MYO10: variants seen among roughly 807,000 people sequenced by gnomAD.
The protein encoded by MYO10 is unconventional myosin-X.
Under a neutral mutation model 257.3 loss-of-function variants are expected in MYO10, and 133 were observed. The ratio of observed to expected loss-of-function variants is 0.52; its 90% CI spans 0.45 to 0.60. The LOEUF (loss-of-function observed/expected upper bound fraction) is 0.60. Among genes scored for constraint, MYO10 ranks in the 20% least tolerant of loss-of-function variants. MYO10 has a pLI of 0.00. For synonymous variants in MYO10, 1,104 were observed against 1,028.6 expected (o/e 1.07, Z -1.40); for missense variants, 2,399 against 2,635.7 (o/e 0.91, Z 1.97).
At chr5:16,714,739 C>T (rs943912768) in intron 19 of MYO10, among the ~76,000 whole-genome samples, 10 of 152,132 alleles carry the variant, frequency 6.6e-5, no homozygotes, top group African/African-American at 2.4e-4. Flanking sequence ...GGGAGAATGG[C>T]GTCAACCCAG....
At chr5:16,672,585 A>G (rs577239853) in intron 37 of MYO10, 104 bp downstream of exon 37, 1 of 1,383,678 alleles carries the variant, frequency 7.2e-7, no homozygotes, top group Admixed American at 2.1e-5. Context: ...AACTAACTCC[A>G]ATACAGCGTG....
At chr5:16,924,901 G>A (rs1428110904) in intron 1 of MYO10, among the ~76,000 whole-genome samples, 2 of 142,740 alleles carry the variant, frequency 1.4e-5, no homozygotes, top group African/African-American at 5.3e-5. Context: ...CACGATCTCT[G>A]CTCACTGCAA....
chr5:16,709,188 G>A (rs1370882392), intron 21 of MYO10, among the ~76,000 whole-genome samples: 1 of 152,150 alleles, frequency 6.6e-6, no homozygotes, highest in African/African-American at 2.4e-5. Flanking sequence ...GTGCACTGAG[G>A]AATGTCAAAA....
chr5:16,667,970 AAAT>A (rs914355702), intron 40 of MYO10, among the ~76,000 whole-genome samples: 4 of 152,140 alleles, frequency 2.6e-5, no homozygotes, highest in African/African-American at 9.7e-5. Flanking sequence ...GTTTTGTTGC[AAAT>A]AATATACTTT....
At chr5:16,712,050 T>C (rs1030277600) in intron 19 of MYO10, among the ~76,000 whole-genome samples, 3 of 150,494 alleles carry the variant, frequency 2.0e-5, no homozygotes, top group Non-Finnish European at 1.5e-5. Context: ...TAAAGTCATT[T>C]TTTACCTAAG....
intron 19 of MYO10, 136 bp from the exon 20 acceptor site, chr5:16,711,381 A>C: frequency 1.1e-6 from 1 of 934,758 alleles, no homozygotes; most frequent in Non-Finnish European, 1.6e-6. Context: ...CTACACAGAA[A>C]TAGAGACTAG....
chr5:16,837,736 C>T (rs939475082), intron 2 of MYO10, among the ~76,000 whole-genome samples: 1 of 152,152 alleles, frequency 6.6e-6, no homozygotes, highest in African/African-American at 2.4e-5. Context: ...CTTTCCCTCA[C>T]TGGCAAACTG....
chr5:16,922,012 C>T (rs148351854), intron 1 of MYO10, among the ~76,000 whole-genome samples: 2,831 of 152,016 alleles, frequency 0.019, 46 homozygotes, highest in Middle Eastern at 0.041. Flanking sequence ...GTCAGGAGTT[C>T]GAGACCACCC....
chr5:16,828,108 G>A (rs923531194), intron 2 of MYO10, among the ~76,000 whole-genome samples: 3 of 152,198 alleles, frequency 2.0e-5, no homozygotes, highest in African/African-American at 4.8e-5. Context: ...GAATGTATAC[G>A]GTAAAGGCAT....
rs192717282 is a variant in MYO10, at chr5:16,833,268, C to A, written c.121-15101G>T. Among the ~76,000 whole-genome samples the A allele has an allele frequency of 5.6e-4, 84 of 150,116 alleles. No homozygotes were observed. In the East Asian group the frequency reaches 0.012, roughly 22 times the overall value. ...TTACTCTGTCGCCCAGGCTGGAGTG[C>A]AGTGGCATGATCTCGGCTCACTGCA... is the stretch of plus-strand genomic sequence containing the variant. On this transcript the variant is annotated intron_variant, in intron 2 of 40. Coordinates refer to ENST00000513610, the MANE Select transcript of MYO10 (RefSeq NM_012334.3).
At chr5:16,758,257 G>A (rs912867910) in intron 17 of MYO10, 31 bp from the exon 18 acceptor site, 1 of 1,422,634 alleles carries the variant, frequency 7.0e-7, no homozygotes, top group Non-Finnish European at 9.9e-7. Context: ...AGGTCAGTGA[G>A]GCACACACAC....
intron 9 of MYO10, among the ~76,000 whole-genome samples, chr5:16,776,666 A>C (rs992832697): frequency 6.6e-6 from 1 of 152,252 alleles, no homozygotes; most frequent in Non-Finnish European, 1.5e-5. Flanking sequence ...AAAAGCTAGC[A>C]ATCACTGAAG....
At chr5:16,754,965 T>G (rs960458264) in intron 18 of MYO10, 57 bp from the exon 19 acceptor site, 2 of 1,177,122 alleles carry the variant, frequency 1.7e-6, no homozygotes, top group African/African-American at 3.0e-5. Flanking sequence ...TTTAAATTTC[T>G]CAGTACTCTA....
intron 2 of MYO10, among the ~76,000 whole-genome samples, chr5:16,849,336 TA>T (rs1743732212): frequency 6.6e-6 from 1 of 152,206 alleles, no homozygotes; most frequent in African/African-American, 2.4e-5. Context: ...CTTCTAGGCA[TA>T]CTCTTCAAAG....
chr5:16,892,821 C>G (rs894601842), intron 1 of MYO10, among the ~76,000 whole-genome samples: 1 of 152,146 alleles, frequency 6.6e-6, no homozygotes, highest in Non-Finnish European at 1.5e-5. Context: ...AATGCACAGG[C>G]CTCGTTCAAC....
intron 3 of MYO10, among the ~76,000 whole-genome samples, chr5:16,817,565 C>A (rs191476092): frequency 1.8e-4 from 27 of 152,306 alleles, no homozygotes; most frequent in Admixed American, 4.6e-4. Flanking sequence ...CAAGTTATCA[C>A]CCTAGGGTGG....
intron 5 of MYO10, among the ~76,000 whole-genome samples, chr5:16,782,307 C>G (rs750300233): frequency 8.5e-5 from 13 of 152,156 alleles, no homozygotes; most frequent in Non-Finnish European, 1.6e-4. Context: ...AAGGACCAGA[C>G]AGTAAGTATT....
chr5:16,719,169 G>A (rs56002547), intron 19 of MYO10, among the ~76,000 whole-genome samples: 4,107 of 151,912 alleles, frequency 0.027, 182 homozygotes, highest in African/African-American at 0.094. Context: ...TGAGCCCAGC[G>A]AGACCACGAG....
intron 2 of MYO10, among the ~76,000 whole-genome samples, chr5:16,867,115 C>T (rs1744274508): frequency 6.6e-6 from 1 of 152,234 alleles, no homozygotes; most frequent in Non-Finnish European, 1.5e-5. Flanking sequence ...ATGCAGCTTC[C>T]CTAGCTGCTG....
Sources: gnomAD v4.1 joint callset for allele counts (sites outside exome capture counted in the v4.1 genomes callset) on GRCh38, gnomAD v4.1.1 for gene constraint, MANE v1.5 for transcripts, NCBI Gene and HGNC (gene_info 2026-07-23, HGNC 2026-07-21) for gene names.